Variants in JAKMIP2 observed in about 807,000 individuals in gnomAD.
JAKMIP2 encodes janus kinase and microtubule interacting protein 2, also known as janus kinase and microtubule-interacting protein 2.
JAKMIP2 carries 25 observed loss-of-function variants against 115.0 expected under a neutral mutation model. The ratio of observed to expected loss-of-function variants is 0.22; its 90% CI spans 0.16 to 0.30. The LOEUF (loss-of-function observed/expected upper bound fraction) is 0.30, where lower values mean the gene tolerates loss of function less well. JAKMIP2 is among the 10% of genes least tolerant of loss of function. JAKMIP2 has a pLI of 1.00. For missense variants in JAKMIP2, 642 were observed against 957.6 expected (o/e 0.67, Z 4.35); for synonymous variants, 334 against 343.6 (o/e 0.97, Z 0.31).
chr5:147,595,462 T>C (rs1383933721), intron 21 of JAKMIP2: 5 of 456,646 alleles, frequency 1.1e-5, no homozygotes, highest in Non-Finnish European at 1.8e-5. Context: ...CAAGGCGCCA[T>C]CTTGGAAGTA....
intron 1 of JAKMIP2, among the ~76,000 whole-genome samples, chr5:147,718,259 T>C (rs1403176954): frequency 6.6e-6 from 1 of 151,138 alleles, no homozygotes; most frequent in Non-Finnish European, 1.5e-5. Context: ...CAGTATTTTA[T>C]TGAGGATTTT....
At chr5:147,628,087 T>A (rs1265178963) in intron 16 of JAKMIP2, among the ~76,000 whole-genome samples, 1 of 151,846 alleles carries the variant, frequency 6.6e-6, no homozygotes, top group African/African-American at 2.4e-5. Context: ...ACAGGCATGA[T>A]CATAGTACAC....
chr5:147,681,794 C>G (rs1388250181), intron 1 of JAKMIP2, among the ~76,000 whole-genome samples: 1 of 152,182 alleles, frequency 6.6e-6, no homozygotes, highest in Non-Finnish European at 1.5e-5. Flanking sequence ...GTAATCCCAG[C>G]ACTTTGGGAG....
intron 1 of JAKMIP2, among the ~76,000 whole-genome samples, chr5:147,725,309 T>A (rs1262728274): frequency 4.0e-4 from 61 of 152,304 alleles, no homozygotes; most frequent in African/African-American, 1.4e-3. Context: ...AGAAGTAATT[T>A]TAAGTATAAA....
intron 21 of JAKMIP2, among the ~76,000 whole-genome samples, chr5:147,592,153 A>T (rs1432607862): frequency 1.3e-5 from 2 of 152,190 alleles, no homozygotes; most frequent in African/African-American, 4.8e-5. Context: ...CATCACACAA[A>T]AGTGAAAATA....
chr5:147,587,128 T>C lies in JAKMIP2; in HGVS notation c.*4579A>G, dbSNP rs191748441. On this transcript the variant is annotated 3_prime_UTR_variant, in exon 22 of 22. Coordinates refer to ENST00000616793, the MANE Select transcript of JAKMIP2 (RefSeq NM_001270941.2). ...GAAATGACAAGGCAGTAGAACACAA[T>C]GACATCTTTCCTCACTTAAGACCTA... The C allele has an allele frequency of 2.0e-5, 3 of 152,258 alleles. No homozygotes were observed. Among genetic ancestry groups the C allele is most frequent in the Admixed American group, 2.0e-4 (3 of 15,278 alleles). 9.4% of individuals were successfully genotyped at this position (152,258 alleles called of 1,614,324 possible).
chr5:147,660,861 A>C lies in JAKMIP2; in HGVS notation c.627+87T>G, dbSNP rs895897003. ...GCACTGTTTACAATCCACTGACAAG[A>C]AAACACATGAAGAAGCAAACCCCAC... On this transcript the variant is annotated intron_variant, in intron 3 of 21. Coordinates refer to ENST00000616793, the MANE Select transcript of JAKMIP2 (RefSeq NM_001270941.2). The C allele has an allele frequency of 5.5e-6, 8 of 1,458,088 alleles. No individual in the cohort carries two copies. In the African/African-American group the frequency reaches 1.1e-4, roughly 21 times the overall value. The allele number at this position is 1,458,088 out of a possible 1,614,324, so 90.3% of individuals were successfully genotyped here. A position where few individuals can be genotyped will look rare whatever the true frequency, so the allele number is the denominator to read the frequency against.
intron 6 of JAKMIP2, 27 bp downstream of exon 6, chr5:147,644,823 C>G: frequency 6.3e-7 from 1 of 1,589,648 alleles, no homozygotes; most frequent in Non-Finnish European, 8.6e-7. Context: ...AAGGAAGCTG[C>G]AGTTTTGCAG....
chr5:147,737,527 T>C (rs965983646), intron 1 of JAKMIP2, among the ~76,000 whole-genome samples: 1 of 152,190 alleles, frequency 6.6e-6, no homozygotes, highest in Non-Finnish European at 1.5e-5. Flanking sequence ...TTTCTGACAA[T>C]GAAAGCAATC....
At chr5:147,637,504 A>C (rs970425100) in intron 10 of JAKMIP2, among the ~76,000 whole-genome samples, 2 of 142,014 alleles carry the variant, frequency 1.4e-5, no homozygotes, top group Non-Finnish European at 3.0e-5. Flanking sequence ...CAGTGGCACA[A>C]TCTCAGCTTA....
intron 1 of JAKMIP2, among the ~76,000 whole-genome samples, chr5:147,775,848 C>T (rs1291258880): frequency 2.6e-5 from 4 of 152,140 alleles, no homozygotes; most frequent in African/African-American, 4.8e-5. Flanking sequence ...CCAAGGCATT[C>T]GTTACAATTG....
chr5:147,659,613 C>A (rs1227105636), intron 3 of JAKMIP2, among the ~76,000 whole-genome samples: 1 of 152,090 alleles, frequency 6.6e-6, no homozygotes, highest in East Asian at 1.9e-4. Context: ...TATTGAAAAC[C>A]ATCAACAAAT....
chr5:147,688,624 T>C (rs1342043887), intron 1 of JAKMIP2, among the ~76,000 whole-genome samples: 1 of 152,192 alleles, frequency 6.6e-6, no homozygotes, highest in African/African-American at 2.4e-5. Context: ...TCAGTGTTGG[T>C]AAGCAATGGA....
Position 147,661,493 on chromosome 5 carries a change from C to A in JAKMIP2, c.130-48G>T, listed in dbSNP as rs193179813. On this transcript the variant is annotated intron_variant, in intron 2 of 21. Transcript: ENST00000616793. ...ATGAAGAGAAATGAGCCTCAAAGGA[C>A]GGGTGTGCTCCTAGGCAGGATTTGC... 1.3e-3 allele frequency: 2,069 copies of A among 1,556,104 alleles called. 2 individuals carry two copies. The highest frequency in any genetic ancestry group is 1.5e-3 in the Non-Finnish European group (1,675 of 1,153,780).
chr5:147,688,922 AC>A (rs1182816891), intron 1 of JAKMIP2, among the ~76,000 whole-genome samples: 5 of 152,210 alleles, frequency 3.3e-5, no homozygotes, highest in Non-Finnish European at 7.3e-5. Flanking sequence ...TTAGTTGGAG[AC>A]CCACATAATA....
intron 1 of JAKMIP2, among the ~76,000 whole-genome samples, chr5:147,673,386 C>T (rs541331215): frequency 6.6e-6 from 1 of 152,298 alleles, no homozygotes; most frequent in South Asian, 2.1e-4. Flanking sequence ...CTGCTGACCA[C>T]CCATATGTTC....
At chr5:147,654,687 A>T (rs1192209344) in intron 3 of JAKMIP2, among the ~76,000 whole-genome samples, 1 of 152,136 alleles carries the variant, frequency 6.6e-6, no homozygotes, top group African/African-American at 2.4e-5. Flanking sequence ...CTCTCTTCCT[A>T]TCTGAATACG....
intron 1 of JAKMIP2, among the ~76,000 whole-genome samples, chr5:147,735,969 T>G (rs1382471087): frequency 1.3e-5 from 2 of 152,116 alleles, no homozygotes; most frequent in East Asian, 3.9e-4. Context: ...TCATTCAACT[T>G]GTTACCACTC....
rs750236823 is a variant in JAKMIP2 at position 147,644,033 on chromosome 5, G to A, written c.1224+25C>T. On this transcript the variant is annotated intron_variant, in intron 7 of 21. Transcript: ENST00000616793. ...CTACTTGTCCTTGGGAACAACTTAG[G>A]GTTTACAGATTGATTGACACGTACC... 6.6e-6 allele frequency: 10 copies of A among 1,513,022 alleles called. No homozygotes were observed. The Middle Eastern group carries it at 7.0e-4, about 106-fold the overall frequency. 93.7% of individuals were successfully genotyped at this position (1,513,022 alleles called of 1,614,324 possible).
Sources: gnomAD v4.1 joint callset for allele counts (sites outside exome capture counted in the v4.1 genomes callset) on GRCh38, gnomAD v4.1.1 for gene constraint, MANE v1.5 for transcripts, NCBI Gene and HGNC (gene_info 2026-07-23, HGNC 2026-07-21) for gene names.